HS6ST3: variants seen among roughly 807,000 people sequenced by gnomAD.
The protein encoded by HS6ST3 is heparan sulfate 6-O-sulfotransferase 3.
Under a neutral mutation model 36.7 loss-of-function variants are expected in HS6ST3, and 12 were observed. The ratio of observed to expected loss-of-function variants is 0.33; its 90% confidence interval spans 0.21 to 0.53. The LOEUF is 0.53. Ranked by LOEUF, HS6ST3 falls within the 20% of genes least tolerant of loss-of-function variation. HS6ST3 has a pLI of 0.95. For missense variants in HS6ST3, 584 were observed against 640.9 expected, an observed-to-expected ratio of 0.91 and a Z score of 0.96; for synonymous variants, 240 against 257.5, an observed-to-expected ratio of 0.93 and a Z score of 0.65.
chr13:96,261,213 G>C (rs2139383231), intron 1 of HS6ST3, among the ~76,000 whole-genome samples: 1 of 151,578 alleles, frequency 6.6e-6, no homozygotes, highest in East Asian at 1.9e-4. Flanking sequence ...AATAGGAACT[G>C]ATTGTTTAAT....
Position 96,835,299 on chromosome 13 carries a change from A to G in HS6ST3, c.*2101A>G, listed in dbSNP as rs1194723481. 1 of 152,304 alleles carries G rather than the reference A, an allele frequency of 6.6e-6. No individual in the cohort carries two copies. Among genetic ancestry groups the G allele is most frequent in the Non-Finnish European group, 1.5e-5 (1 of 68,124 alleles). The allele number at this position is 152,304 out of a possible 1,614,324, so 9.4% of individuals were successfully genotyped here. On this transcript the variant is annotated 3_prime_UTR_variant, in exon 2 of 2. Coordinates refer to ENST00000376705, the MANE Select transcript of HS6ST3 (RefSeq NM_153456.4). Reference sequence around the variant, plus strand: ...CTTGGGTCAGTCCAGCCCCCTCCACATCACTGAGCCATCAATGAGCTGAGA... The same window carrying G: ...CTTGGGTCAGTCCAGCCCCCTCCACGTCACTGAGCCATCAATGAGCTGAGA...
At chr13:96,092,818 T>G (rs1566880144) in intron 1 of HS6ST3, among the ~76,000 whole-genome samples, 3 of 152,218 alleles carry the variant, frequency 2.0e-5, no homozygotes, top group Non-Finnish European at 4.4e-5. Flanking sequence ...TGGCAATTCT[T>G]CAGATACTTT....
chr13:96,304,715 T>TTTCTTTCTTTC, intron 1 of HS6ST3, among the ~76,000 whole-genome samples: 8 of 28,878 alleles, frequency 2.8e-4, no homozygotes, highest in Admixed American at 1.2e-3. Context: ...TTCTTTCTTT[T>TTTCTTTCTTTC]TTTTTTTTTT....
At chr13:96,381,145 C>T (rs79632682) in intron 1 of HS6ST3, among the ~76,000 whole-genome samples, 2,222 of 152,342 alleles carry the variant, frequency 0.015, 28 homozygotes, top group East Asian at 0.057. Context: ...GTGTGCTGCT[C>T]TTCCTTATCC....
chr13:96,117,103 A>T (rs2139303491), intron 1 of HS6ST3, among the ~76,000 whole-genome samples: 1 of 152,314 alleles, frequency 6.6e-6, no homozygotes, highest in African/African-American at 2.4e-5. Context: ...TGTGAAATAA[A>T]ATTTCTGGTA....
At chr13:96,523,358 C>T (rs181944178) in intron 1 of HS6ST3, among the ~76,000 whole-genome samples, 21 of 152,192 alleles carry the variant, frequency 1.4e-4, no homozygotes, top group South Asian at 2.1e-4. Context: ...TTGCTCTTCT[C>T]GAGGAGTATC....
chr13:96,436,382 A>G (rs2055642479), intron 1 of HS6ST3, among the ~76,000 whole-genome samples: 1 of 152,218 alleles, frequency 6.6e-6, no homozygotes, highest in African/African-American at 2.4e-5. Flanking sequence ...ATATTCACAA[A>G]TATGTCAATG....
chr13:96,125,814 T>A (rs112082585), intron 1 of HS6ST3, among the ~76,000 whole-genome samples: 2,998 of 151,990 alleles, frequency 0.02, 81 homozygotes, highest in African/African-American at 0.067. Flanking sequence ...AGTTTTAGGG[T>A]ACATGTGCAC....
intron 1 of HS6ST3, among the ~76,000 whole-genome samples, chr13:96,765,925 GGATAGC>G (rs934216980): frequency 6.6e-6 from 1 of 152,134 alleles, no homozygotes; most frequent in African/African-American, 2.4e-5. Flanking sequence ...AATGAAATCA[GGATAGC>G]AGTTGATTTT....
intron 1 of HS6ST3, among the ~76,000 whole-genome samples, chr13:96,285,335 G>T (rs1447405846): frequency 6.6e-5 from 10 of 152,132 alleles, no homozygotes; most frequent in Admixed American, 6.6e-4. Context: ...CTTCCAGAGA[G>T]ACTAAAAGAT....
intron 1 of HS6ST3, among the ~76,000 whole-genome samples, chr13:96,387,938 C>G (rs2139449858): frequency 6.6e-6 from 1 of 152,120 alleles, no homozygotes; most frequent in South Asian, 2.1e-4. Flanking sequence ...GTAGGTTTCG[C>G]CTCTGAGTCT....
chr13:96,655,066 C>G (rs1300069999), intron 1 of HS6ST3, among the ~76,000 whole-genome samples: 1 of 152,058 alleles, frequency 6.6e-6, no homozygotes, highest in Non-Finnish European at 1.5e-5. Flanking sequence ...TATTTTTAAG[C>G]TGTTTATAAG....
chr13:96,475,897 A>C (rs1348456939), intron 1 of HS6ST3, among the ~76,000 whole-genome samples: 1 of 152,154 alleles, frequency 6.6e-6, no homozygotes, highest in Admixed American at 6.5e-5. Context: ...GAACCCTCAC[A>C]TGGCTAAAAG....
chr13:96,584,840 T>G (rs574220132), intron 1 of HS6ST3, among the ~76,000 whole-genome samples: 39 of 152,230 alleles, frequency 2.6e-4, no homozygotes, highest in Admixed American at 5.2e-4. Flanking sequence ...TCTGCCCCAA[T>G]TAGAACATTG....
rs118067921 is a variant in HS6ST3 at position 96,511,776 on chromosome 13, C to T, written c.708-320714C>T. ...GTTTGTGTCTGTGCCTTGAGGCTTA[C>T]GTTTAAGAAGTCCTTCTGCATTCCT... On this transcript the variant is annotated intron_variant, in intron 1 of 1. Transcript: ENST00000376705. Among the ~76,000 whole-genome samples the T allele has an allele frequency of 4.5e-3, 688 of 152,182 alleles. 2 individuals carry two copies. The highest frequency in any genetic ancestry group is 8.3e-3 in the South Asian group (40 of 4,822).
intron 1 of HS6ST3, among the ~76,000 whole-genome samples, chr13:96,813,361 A>T (rs370392035): frequency 6.8e-4 from 104 of 152,304 alleles, no homozygotes; most frequent in African/African-American, 2.3e-3. Flanking sequence ...CTTCTTCCTG[A>T]GAAGGATAAA....
intron 1 of HS6ST3, among the ~76,000 whole-genome samples, chr13:96,365,165 C>T (rs555921445): frequency 5.3e-5 from 8 of 152,172 alleles, no homozygotes; most frequent in Non-Finnish European, 7.3e-5. Flanking sequence ...CAGGTGTGAA[C>T]TGACAGAAGC....
chr13:96,596,244 A>T (rs1168613940), intron 1 of HS6ST3, among the ~76,000 whole-genome samples: 1 of 152,120 alleles, frequency 6.6e-6, no homozygotes, highest in African/African-American at 2.4e-5. Context: ...AATGGCCTCC[A>T]GCTCCATCCA....
intron 1 of HS6ST3, among the ~76,000 whole-genome samples, chr13:96,636,507 G>A (rs2056550390): frequency 6.6e-6 from 1 of 152,150 alleles, no homozygotes; most frequent in South Asian, 2.1e-4. Context: ...GCATGCCATT[G>A]GAGGTAGGGT....
Sources: gnomAD v4.1 joint callset for allele counts (sites outside exome capture counted in the v4.1 genomes callset) on GRCh38, gnomAD v4.1.1 for gene constraint, MANE v1.5 for transcripts, NCBI Gene and HGNC (gene_info 2026-07-23, HGNC 2026-07-21) for gene names.